The following TMCC1 variants were observed in gnomAD, a reference collection of about 807,000 sequenced individuals.
TMCC1 encodes transmembrane and coiled-coil domains protein 1.
In TMCC1, 15 loss-of-function variants were observed where a neutral mutation model predicts 52.4. The ratio of observed to expected loss-of-function variants is 0.29; its 90% CI spans 0.19 to 0.44. The LOEUF (loss-of-function observed/expected upper bound fraction) is 0.44, where lower values mean the gene tolerates loss of function less well. Among genes scored for constraint, TMCC1 ranks in the 20% least tolerant of loss-of-function variants. The pLI, the probability that TMCC1 is intolerant of heterozygous loss-of-function variation, is 1.00. For synonymous variants in TMCC1, 279 were observed against 301.9 expected (o/e 0.92, Z 0.79); for missense variants, 503 against 806.0 (o/e 0.62, Z 4.55).
chr3:129,740,725 C>T (rs1275464670), intron 4 of TMCC1, among the ~76,000 whole-genome samples: 1 of 152,144 alleles, frequency 6.6e-6, no homozygotes, highest in Non-Finnish European at 1.5e-5. Flanking sequence ...CAAAGTCTAC[C>T]TATCTCTACA....
At chr3:129,727,716 C>A (rs974128392) in intron 4 of TMCC1, among the ~76,000 whole-genome samples, 5 of 152,186 alleles carry the variant, frequency 3.3e-5, no homozygotes, top group Non-Finnish European at 5.9e-5. Flanking sequence ...CTATCTGCAA[C>A]TGACAGTAAT....
chr3:129,677,695 G>T (rs1381090785), intron 4 of TMCC1, among the ~76,000 whole-genome samples: 1 of 152,202 alleles, frequency 6.6e-6, no homozygotes, highest in East Asian at 1.9e-4. Flanking sequence ...TCCCTGAGCT[G>T]GTTGTCATGG....
rs772078594 is a variant in TMCC1 at position 129,651,556 on chromosome 3, A to C, written c.1887T>G (p.Val629=). The C allele has an allele frequency of 4.3e-6, 7 of 1,614,204 alleles. No homozygotes were observed. The highest frequency in any genetic ancestry group is 1.6e-4 in the Middle Eastern group (1 of 6,062). ...AGTGCTTCCAGAGAAAGGCAATAAA[A>C]ACCACAAGGAATAAAGTGCTGAACG... ...NRTFSTLFLV[V]FIAFLWKHWD... is the part of the protein sequence containing the mutation. The change falls in exon 7 of 7, where the codon GTT becomes GTG. Residue 629 remains valine, a synonymous_variant. Transcript: ENST00000393238. This position sits in a 1 kb window ranked among gnomAD's most constrained non-coding sequence, Gnocchi z 5.1.
At chr3:129,760,401 A>AGTGTGTGTGTGTGTGT (rs200322394) in intron 4 of TMCC1, among the ~76,000 whole-genome samples, 4 of 137,874 alleles carry the variant, frequency 2.9e-5, no homozygotes, top group African/African-American at 1.1e-4. Flanking sequence ...ACGCCAGGCT[A>AGTGTGTGTGTGTGTGT]GTGTGTGTGT....
At chr3:129,666,924 C>A (rs553787970) in intron 5 of TMCC1, among the ~76,000 whole-genome samples, 1 of 150,494 alleles carries the variant, frequency 6.6e-6, no homozygotes, top group Non-Finnish European at 1.5e-5. Flanking sequence ...TTTTTTGAGA[C>A]GGAGTCTCAC....
chr3:129,863,640 T>A (rs1472528449), intron 2 of TMCC1, among the ~76,000 whole-genome samples: 1 of 152,098 alleles, frequency 6.6e-6, no homozygotes, highest in Non-Finnish European at 1.5e-5. Flanking sequence ...GGCAGACGGA[T>A]CACCTGAGGT....
At chr3:129,747,066 C>T (rs1260907238) in intron 4 of TMCC1, among the ~76,000 whole-genome samples, 1 of 152,066 alleles carries the variant, frequency 6.6e-6, no homozygotes, top group African/African-American at 2.4e-5. Context: ...AAAAGGTATT[C>T]AATAAAATGT....
At chr3:129,880,921 T>C (rs576780745) in intron 1 of TMCC1, among the ~76,000 whole-genome samples, 5 of 150,722 alleles carry the variant, frequency 3.3e-5, no homozygotes, top group African/African-American at 9.7e-5. Context: ...TGGAGTGCAA[T>C]GGTGCAATCT....
intron 4 of TMCC1, among the ~76,000 whole-genome samples, chr3:129,699,238 T>A (rs2047636416): frequency 6.6e-6 from 1 of 151,742 alleles, no homozygotes; most frequent in Non-Finnish European, 1.5e-5. Context: ...AGATAGGAGG[T>A]CAGAACAAGA....
chr3:129,675,893 T>C (rs1442316018), intron 4 of TMCC1, among the ~76,000 whole-genome samples: 1 of 151,696 alleles, frequency 6.6e-6, no homozygotes, highest in Non-Finnish European at 1.5e-5. Flanking sequence ...AAAAATTAGC[T>C]GGGCGTGGTG....
chr3:129,705,799 A>C (rs1256310336), intron 4 of TMCC1, among the ~76,000 whole-genome samples: 1 of 150,716 alleles, frequency 6.6e-6, no homozygotes, highest in Non-Finnish European at 1.5e-5. Flanking sequence ...TCACCATTTT[A>C]GCCAGGATGG....
intron 5 of TMCC1, among the ~76,000 whole-genome samples, chr3:129,657,896 C>G (rs1183451482): frequency 6.6e-6 from 1 of 152,166 alleles, no homozygotes; most frequent in African/African-American, 2.4e-5. Context: ...AATTCTACCC[C>G]AGATATAACT....
intron 4 of TMCC1, among the ~76,000 whole-genome samples, chr3:129,821,601 A>G (rs532366415): frequency 6.6e-6 from 1 of 152,344 alleles, no homozygotes; most frequent in African/African-American, 2.4e-5. Flanking sequence ...AGGCAATAAG[A>G]TAACAGAGGG....
At chr3:129,797,850 T>C (rs961211802) in intron 4 of TMCC1, among the ~76,000 whole-genome samples, 1 of 152,248 alleles carries the variant, frequency 6.6e-6, no homozygotes, top group Non-Finnish European at 1.5e-5. Context: ...AAAAAGCTTT[T>C]AGATGAACAC....
At chr3:129,801,069 G>A (rs1478705776) in intron 4 of TMCC1, among the ~76,000 whole-genome samples, 5 of 151,466 alleles carry the variant, frequency 3.3e-5, no homozygotes, top group Admixed American at 2.6e-4. Flanking sequence ...GACAACAGGC[G>A]CCCGCCACCA....
chr3:129,852,761 A>G (rs2059973953), intron 2 of TMCC1, among the ~76,000 whole-genome samples: 1 of 152,242 alleles, frequency 6.6e-6, no homozygotes, highest in African/African-American at 2.4e-5. Flanking sequence ...TAAACCGGCT[A>G]GCATAAAGAA....
chr3:129,714,093 T>C (rs541743333), intron 4 of TMCC1, among the ~76,000 whole-genome samples: 1 of 152,244 alleles, frequency 6.6e-6, no homozygotes, highest in South Asian at 2.1e-4. Context: ...AGTTCTTCAA[T>C]AAGGAAGAAA....
chr3:129,738,032 A>G (rs1311868133), intron 4 of TMCC1, among the ~76,000 whole-genome samples: 1 of 152,070 alleles, frequency 6.6e-6, no homozygotes, highest in Non-Finnish European at 1.5e-5. Flanking sequence ...GCACTTTGGG[A>G]GGCTGACGTG....
Position 129,670,710 on chromosome 3 carries a change from C to G in TMCC1, c.1131G>C (p.Arg377=), listed in dbSNP as rs756891370. 1.1e-5 allele frequency: 18 copies of G among 1,614,074 alleles called. No individual in the cohort carries two copies. The highest frequency in any genetic ancestry group is 8.5e-7 in the Non-Finnish European group (1 of 1,180,044). Residue 377 remains arginine, a synonymous_variant, in exon 5 of 7, where the codon CGG becomes CGC. Transcript: ENST00000393238. ...SKPREIASLI[R]NKFGSADNIP... The stretch of plus-strand genomic sequence containing the variant: ...TGTTGTCTGCACTGCCAAATTTGTT[C>G]CGAATGAGTGAGGCAATCTCTCTGG...
Sources: gnomAD v4.1 joint callset for allele counts (sites outside exome capture counted in the v4.1 genomes callset) on GRCh38, gnomAD v4.1.1 for gene constraint, Gnocchi (gnomAD v3.1) non-coding constraint, MANE v1.5 for transcripts, NCBI Gene and HGNC (gene_info 2026-07-23, HGNC 2026-07-21) for gene names.